GPC5: variants seen among roughly 807,000 people sequenced by gnomAD.
The protein encoded by GPC5 is glypican-5.
In GPC5, 47 loss-of-function variants were observed where a neutral mutation model predicts 53.9. That is an observed-to-expected ratio of 0.87 (90% CI 0.69 to 1.11). GPC5 has a LOEUF of 1.11. Ranked by LOEUF, GPC5 falls within the 50% of genes most tolerant of loss-of-function variation. The pLI, the probability that GPC5 is intolerant of heterozygous loss-of-function variation, is 0.00. For missense variants in GPC5, 748 were observed against 713.1 expected (o/e 1.05, Z -0.56); for synonymous variants, 286 against 263.3 (o/e 1.09, Z -0.84).
chr13:91,434,638 T>A (rs1699149027), intron 1 of GPC5, among the ~76,000 whole-genome samples: 1 of 152,180 alleles, frequency 6.6e-6, no homozygotes, highest in African/African-American at 2.4e-5. Flanking sequence ...GGTAGCATGA[T>A]GCCTCCAGCT....
intron 2 of GPC5, among the ~76,000 whole-genome samples, chr13:91,528,486 A>G (rs183976202): frequency 2.0e-5 from 3 of 152,326 alleles, no homozygotes; most frequent in Non-Finnish European, 4.4e-5. Context: ...CCATGTCGTT[A>G]TCAGCATATT....
chr13:91,660,555 C>A (rs897520933), intron 2 of GPC5, among the ~76,000 whole-genome samples: 3 of 152,146 alleles, frequency 2.0e-5, no homozygotes, highest in African/African-American at 7.2e-5. Context: ...TGATTTCTGA[C>A]AAATAGAATC....
chr13:92,527,108 A>AAG (rs1555287008), intron 7 of GPC5, among the ~76,000 whole-genome samples: 1 of 39,024 alleles, frequency 2.6e-5, no homozygotes, highest in Non-Finnish European at 5.5e-5. Flanking sequence ...AAAGAAAGAA[A>AAG]AAAGAAAGAA....
At chr13:92,180,238 G>C (rs1341283616) in intron 7 of GPC5, among the ~76,000 whole-genome samples, 2 of 152,150 alleles carry the variant, frequency 1.3e-5, no homozygotes, top group Admixed American at 6.5e-5. Context: ...TTTGTTTAAG[G>C]CTGCAGTTTA....
intron 7 of GPC5, among the ~76,000 whole-genome samples, chr13:92,778,357 G>C (rs1447279123): frequency 6.6e-6 from 1 of 152,116 alleles, no homozygotes; most frequent in Non-Finnish European, 1.5e-5. Flanking sequence ...TCTAAGGAGA[G>C]CTGTTGACTT....
At chr13:92,716,958 C>T (rs1888351264) in intron 7 of GPC5, among the ~76,000 whole-genome samples, 1 of 152,052 alleles carries the variant, frequency 6.6e-6, no homozygotes, top group African/African-American at 2.4e-5. Context: ...CCCTATTTTC[C>T]AAGTGAGGAT....
At chr13:92,663,681 T>C (rs951445095) in intron 7 of GPC5, among the ~76,000 whole-genome samples, 3 of 143,118 alleles carry the variant, frequency 2.1e-5, no homozygotes, top group African/African-American at 5.2e-5. Flanking sequence ...ATATACACTA[T>C]ATATATCTAC....
At chr13:92,095,748 T>C (rs532065371) in intron 6 of GPC5, among the ~76,000 whole-genome samples, 1 of 152,152 alleles carries the variant, frequency 6.6e-6, no homozygotes, top group African/African-American at 2.4e-5. Context: ...TTGGTCAGGC[T>C]GGTCTCGAAT....
In GPC5 at chr13:91,451,271, C is replaced by T. The variant is rs146990744; in HGVS notation, c.325+2349C>T. Among the ~76,000 whole-genome samples the T allele has an allele frequency of 3.0e-4, 45 of 152,076 alleles. No individual in the cohort carries two copies. In the East Asian group the frequency reaches 7.2e-3, roughly 24 times the overall value. ...AGTTCAACAATATTAATCTGTTTTC[C>T]GAGTTATATTGTAGGTTATAAAAGA... On this transcript the variant is annotated intron_variant, in intron 2 of 7. Transcript: ENST00000377067.
intron 5 of GPC5, among the ~76,000 whole-genome samples, chr13:91,796,944 C>T (rs1379108804): frequency 6.6e-6 from 1 of 152,034 alleles, no homozygotes; most frequent in Non-Finnish European, 1.5e-5. Flanking sequence ...GTATTTGTTA[C>T]CTGTGCTTGG....
At chr13:92,580,495 G>C (rs148016294) in intron 7 of GPC5, among the ~76,000 whole-genome samples, 20 of 152,210 alleles carry the variant, frequency 1.3e-4, no homozygotes, top group African/African-American at 4.6e-4. Flanking sequence ...AGCCTTTCTT[G>C]CACTGCTATA....
intron 7 of GPC5, among the ~76,000 whole-genome samples, chr13:92,618,047 T>C (rs903586495): frequency 2.0e-5 from 3 of 152,144 alleles, no homozygotes; most frequent in Admixed American, 6.6e-5. Context: ...GTAATTGCCA[T>C]ATGAAATTAA....
intron 7 of GPC5, among the ~76,000 whole-genome samples, chr13:92,491,500 G>T (rs1879760078): frequency 6.6e-6 from 1 of 152,046 alleles, no homozygotes; most frequent in Non-Finnish European, 1.5e-5. Context: ...TTTTCTCATG[G>T]TAAAGCAAAG....
chr13:92,365,907 A>T (rs2043604024), intron 7 of GPC5, among the ~76,000 whole-genome samples: 1 of 151,624 alleles, frequency 6.6e-6, no homozygotes. Context: ...AAAAAAAAAG[A>T]AAAAAGCATG....
At chr13:91,951,324 A>G (rs995848455) in intron 6 of GPC5, among the ~76,000 whole-genome samples, 2 of 152,130 alleles carry the variant, frequency 1.3e-5, no homozygotes, top group Non-Finnish European at 2.9e-5. Context: ...ATTGACAAAC[A>G]TTGTGTGTGT....
At chr13:91,951,001 T>C (rs932601900) in intron 6 of GPC5, among the ~76,000 whole-genome samples, 3 of 152,180 alleles carry the variant, frequency 2.0e-5, no homozygotes, top group African/African-American at 4.8e-5. Context: ...AAAAAACTGC[T>C]GACACACTGT....
intron 7 of GPC5, among the ~76,000 whole-genome samples, chr13:92,220,656 C>T (rs1566490736): frequency 6.6e-6 from 1 of 152,118 alleles, no homozygotes; most frequent in Non-Finnish European, 1.5e-5. Context: ...ATCTGATTCA[C>T]TTATTGTCTA....
At chr13:91,801,038 G>T (rs1027186036) in intron 5 of GPC5, among the ~76,000 whole-genome samples, 1 of 151,778 alleles carries the variant, frequency 6.6e-6, no homozygotes, top group South Asian at 2.1e-4. Context: ...TTTCAGTCTA[G>T]GCGCCAATTT....
chr13:91,436,800 C>T (rs1453301880), intron 1 of GPC5, among the ~76,000 whole-genome samples: 2 of 152,068 alleles, frequency 1.3e-5, no homozygotes, highest in Non-Finnish European at 2.9e-5. Flanking sequence ...TAAAGTCTCC[C>T]ATTATTATTG....
Sources: allele counts gnomAD v4.1 joint callset (sites outside exome capture counted in the v4.1 genomes callset), GRCh38; gene constraint gnomAD v4.1.1; transcripts MANE v1.5; gene names NCBI Gene and HGNC (gene_info 2026-07-23, HGNC 2026-07-21).